The following PTPRT variants were observed in gnomAD, a reference collection of about 807,000 sequenced individuals.
PTPRT encodes the protein protein tyrosine phosphatase receptor type T, also known as receptor-type tyrosine-protein phosphatase T.
Under a neutral mutation model 176.8 loss-of-function variants are expected in PTPRT, and 56 were observed. That is an observed-to-expected ratio of 0.32 (90% CI 0.26 to 0.40). The LOEUF is 0.40. Ranked by LOEUF, PTPRT falls within the 10% of genes least tolerant of loss-of-function variation. PTPRT has a pLI of 1.00. For synonymous variants in PTPRT, 783 were observed against 739.0 expected, an observed-to-expected ratio of 1.06 and a Z score of -0.96; for missense variants, 1,540 against 1,908.2, an observed-to-expected ratio of 0.81 and a Z score of 3.60.
chr20:42,313,371 A>T (rs62208716), intron 12 of PTPRT, among the ~76,000 whole-genome samples: 12,351 of 152,012 alleles, frequency 0.081, 675 homozygotes, highest in East Asian at 0.24. Context: ...ACTTACCCTG[A>T]ATTCTTTCTC....
intron 29 of PTPRT, 23 bp downstream of exon 29, chr20:42,084,659 G>T (rs763578432): frequency 7.1e-7 from 1 of 1,414,386 alleles, no homozygotes; most frequent in Non-Finnish European, 9.4e-7. Flanking sequence ...CTATTGCCCT[G>T]GTGACACCTC....
chr20:42,199,999 T>C (rs374696919), intron 15 of PTPRT, among the ~76,000 whole-genome samples: 1 of 151,968 alleles, frequency 6.6e-6, no homozygotes. Flanking sequence ...ATAATAATAG[T>C]GTAGAGCAGT....
At chr20:42,148,671 G>A (rs1446946427) in intron 17 of PTPRT, among the ~76,000 whole-genome samples, 1 of 152,188 alleles carries the variant, frequency 6.6e-6, no homozygotes, top group Non-Finnish European at 1.5e-5. Context: ...CTCTCCTGCT[G>A]AACGTGGACA....
intron 15 of PTPRT, among the ~76,000 whole-genome samples, chr20:42,209,932 C>A (rs921084395): frequency 3.3e-5 from 5 of 152,112 alleles, no homozygotes; most frequent in Non-Finnish European, 7.4e-5. Context: ...AGCAGCACAT[C>A]AAAAAGCTTA....
At chr20:42,159,256 A>G (rs1989484750) in intron 17 of PTPRT, among the ~76,000 whole-genome samples, 1 of 145,798 alleles carries the variant, frequency 6.9e-6, no homozygotes, top group African/African-American at 2.6e-5. Context: ...CCATACTTCC[A>G]GTTTCTTTTG....
chr20:42,413,838 T>A (rs2425498), intron 9 of PTPRT, among the ~76,000 whole-genome samples: 6 of 151,886 alleles, frequency 4.0e-5, no homozygotes, highest in African/African-American at 1.2e-4. Flanking sequence ...ACCATCACTC[T>A]CCACGAGAGT....
intron 6 of PTPRT, among the ~76,000 whole-genome samples, chr20:42,693,941 A>G (rs554638888): frequency 6.6e-6 from 1 of 151,550 alleles, no homozygotes; most frequent in South Asian, 2.1e-4. Flanking sequence ...AAATTTTGTT[A>G]TTTCCAAAAA....
At chr20:42,183,695 C>A (rs1182199109) in intron 16 of PTPRT, among the ~76,000 whole-genome samples, 2 of 152,040 alleles carry the variant, frequency 1.3e-5, no homozygotes, top group Non-Finnish European at 2.9e-5. Flanking sequence ...CAATTGATTC[C>A]TTCTCTTCCT....
rs2057712272 is a variant in PTPRT, at chr20:42,315,814, T to C, written c.2048A>G (p.Asp683Gly). 1 of 1,614,010 alleles carries C rather than the reference T, an allele frequency of 6.2e-7. No homozygotes were observed. The highest frequency in any genetic ancestry group is 8.5e-7 in the Non-Finnish European group (1 of 1,179,992). Residue 683 changes from aspartate (D) to glycine (G), a missense_variant, in exon 12 of 31, where the codon GAC becomes GGC. Coordinates refer to ENST00000373187, the MANE Select transcript of PTPRT (RefSeq NM_007050.6). ...CCAGTAGCCATTGTATGTCTTATTG[T>C]CACCCACTGTAAATGGCTGGGTGAC... Reference protein sequence around the residue: ...LPVTQPFTVGDNKTYNGYWNP... With the variant: ...LPVTQPFTVGGNKTYNGYWNP...
intron 6 of PTPRT, among the ~76,000 whole-genome samples, chr20:42,698,552 C>T (rs1362686114): frequency 6.6e-6 from 1 of 152,190 alleles, no homozygotes; most frequent in East Asian, 1.9e-4. Flanking sequence ...CTTGGCTGCA[C>T]ATTAGAATCA....
rs10608197 is a variant in PTPRT, at chr20:42,182,907, GGTGTGTGTGTGTGTGTGTGTGT to G, written c.2491+16311_2491+16332del. Among the ~76,000 whole-genome samples the G allele has an allele frequency of 1.1e-3, 166 of 144,708 alleles. 1 individual carries two copies. The highest frequency in any genetic ancestry group is 4.1e-3 in the African/African-American group (161 of 39,536). 94.9% of individuals were successfully genotyped at this position (144,708 alleles called of 152,430 possible). ...AGTGACTGTTAATCCTACAAGCAGG[GGTGTGTGTGTGTGTGTGTGTGT>G]GTGTGTGTGTGTGTGTAATCAGATT... On this transcript the variant is annotated intron_variant, in intron 16 of 30. Transcript: ENST00000373187.
chr20:42,457,836 A>G (rs755754714), intron 8 of PTPRT, among the ~76,000 whole-genome samples: 1 of 152,122 alleles, frequency 6.6e-6, no homozygotes, highest in Non-Finnish European at 1.5e-5. Flanking sequence ...TTACAATGAG[A>G]TCCTTCCACT....
rs142205748 is a variant in PTPRT, at chr20:42,520,841, G to GTATATAGATAGA, written c.1154-48280_1154-48279insTCTATCTATATA. Among the ~76,000 whole-genome samples, 118 of 143,914 alleles carry GTATATAGATAGA rather than the reference G, an allele frequency of 8.2e-4. 2 individuals are homozygous for GTATATAGATAGA. The highest frequency in any genetic ancestry group is 2.9e-3 in the African/African-American group (111 of 38,428). 94.4% of individuals were successfully genotyped at this position (143,914 alleles called of 152,430 possible). A position where few individuals can be genotyped will look rare whatever the true frequency, so the allele number is the denominator to read the frequency against. On this transcript the variant is annotated intron_variant, in intron 7 of 30. Transcript: ENST00000373187. ...TATATATGTATGTATGGGTGTGTGTGTAGATAGATAGATAGATAGATAGAT... is the reference window on the plus strand; with the variant it reads ...TATATATGTATGTATGGGTGTGTGTGTATATAGATAGATAGATAGATAGATAGATAGATAGAT...
intron 7 of PTPRT, among the ~76,000 whole-genome samples, chr20:42,647,874 G>A (rs1023006330): frequency 2.0e-5 from 3 of 152,138 alleles, no homozygotes; most frequent in South Asian, 4.1e-4. Flanking sequence ...GCTGCAAGTC[G>A]AATCTACAGC....
intron 1 of PTPRT, among the ~76,000 whole-genome samples, chr20:42,977,570 CTTTG>C (rs1983022315): frequency 6.6e-6 from 1 of 151,910 alleles, no homozygotes; most frequent in Admixed American, 6.6e-5. Flanking sequence ...ACTGTTAATA[CTTTG>C]TTTCATTTTC....
intron 9 of PTPRT, among the ~76,000 whole-genome samples, chr20:42,406,345 G>C (rs2142795): frequency 6.6e-6 from 1 of 151,800 alleles, no homozygotes; most frequent in Non-Finnish European, 1.5e-5. Context: ...GAGAAAGGTG[G>C]TATAACCATA....
intron 1 of PTPRT, among the ~76,000 whole-genome samples, chr20:42,886,772 C>T (rs1199581676): frequency 1.3e-5 from 2 of 152,184 alleles, no homozygotes; most frequent in African/African-American, 4.8e-5. Context: ...GTGGGGTGTA[C>T]AATGGAGGCT....
chr20:42,565,421 T>C lies in PTPRT; in HGVS notation c.1154-92859A>G, dbSNP rs2073021705. Among the ~76,000 whole-genome samples the C allele has an allele frequency of 3.3e-5, 5 of 152,094 alleles. 1 individual carries two copies. The South Asian group carries it at 1.0e-3, about 32-fold the overall frequency. On this transcript the variant is annotated intron_variant, in intron 7 of 30. Coordinates refer to ENST00000373187, the MANE Select transcript of PTPRT (RefSeq NM_007050.6). ...ACAGACACCAGCATCACACAGGAGA[T>C]GACAGGCAGACACACTGCCTCTGAT...
chr20:43,085,003 A>T (rs2043686476), intron 1 of PTPRT, among the ~76,000 whole-genome samples: 1 of 152,190 alleles, frequency 6.6e-6, no homozygotes. Context: ...CTACCTTAAC[A>T]TTTCCCAGTA....
Sources: gnomAD v4.1 joint callset for allele counts (sites outside exome capture counted in the v4.1 genomes callset) on GRCh38, gnomAD v4.1.1 for gene constraint, MANE v1.5 for transcripts, NCBI Gene and HGNC (gene_info 2026-07-23, HGNC 2026-07-21) for gene names.